TSNAX: variants seen among roughly 807,000 people sequenced by gnomAD.
The protein encoded by TSNAX is translin associated factor X, also known as translin-associated protein X.
A neutral mutation model predicts 33.0 loss-of-function variants in TSNAX; 12 were observed. The ratio of observed to expected loss-of-function variants is 0.36; its 90% confidence interval spans 0.23 to 0.59. The LOEUF is 0.59. Ranked by LOEUF, TSNAX falls within the 20% of genes least tolerant of loss-of-function variation. TSNAX has a pLI of 0.74. For synonymous variants in TSNAX, 110 were observed against 117.2 expected, an observed-to-expected ratio of 0.94 and a Z score of 0.40; for missense variants, 267 against 341.3, an observed-to-expected ratio of 0.78 and a Z score of 1.72.
intron 2 of TSNAX, among the ~76,000 whole-genome samples, chr1:231,532,075 A>G (rs576836949): frequency 1.4e-4 from 20 of 141,602 alleles, no homozygotes; most frequent in African/African-American, 2.3e-4. Flanking sequence ...CTCAAAAAGG[A>G]AAAAAAAAAA....
chr1:231,556,113 T>C (rs1210271553), intron 4 of TSNAX, among the ~76,000 whole-genome samples: 1 of 152,216 alleles, frequency 6.6e-6, no homozygotes, highest in Non-Finnish European at 1.5e-5. Context: ...TATCATGCAT[T>C]TGTCCATGGA....
At chr1:231,530,988 C>G (rs1334670993) in intron 2 of TSNAX, among the ~76,000 whole-genome samples, 2 of 148,766 alleles carry the variant, frequency 1.3e-5, no homozygotes, top group Non-Finnish European at 3.0e-5. Flanking sequence ...GACAGAGTCT[C>G]TGTCACACAG....
At chr1:231,536,242 C>T (rs1053960499) in intron 2 of TSNAX, 1 of 152,046 alleles carries the variant, frequency 6.6e-6, no homozygotes, top group African/African-American at 2.4e-5. Context: ...AGTCATTTTT[C>T]CTTTTTTCTT....
intron 4 of TSNAX, among the ~76,000 whole-genome samples, chr1:231,554,401 A>G (rs1428559547): frequency 2.6e-5 from 4 of 152,178 alleles, no homozygotes; most frequent in East Asian, 3.9e-4. Flanking sequence ...TCTCTTGTAC[A>G]TATGAGTTGC....
At chr1:231,531,708 A>G (rs1003534021) in intron 2 of TSNAX, among the ~76,000 whole-genome samples, 4 of 152,062 alleles carry the variant, frequency 2.6e-5, no homozygotes, top group African/African-American at 9.7e-5. Context: ...TTGTTTTTTC[A>G]GTTCGTGCAA....
intron 4 of TSNAX, among the ~76,000 whole-genome samples, chr1:231,547,163 A>G (rs953275771): frequency 2.0e-5 from 3 of 152,128 alleles, no homozygotes; most frequent in African/African-American, 7.2e-5. Flanking sequence ...CTTTTGTTTG[A>G]AAGCATTCAT....
chr1:231,537,754 A>AG (rs1453421440), intron 3 of TSNAX, among the ~76,000 whole-genome samples: 3 of 151,690 alleles, frequency 2.0e-5, no homozygotes, highest in Admixed American at 6.6e-5. Context: ...AAAAAAAAAA[A>AG]AAAAGGAAAA....
intron 3 of TSNAX, among the ~76,000 whole-genome samples, chr1:231,538,022 T>C (rs1303058758): frequency 6.6e-6 from 1 of 152,214 alleles, no homozygotes; most frequent in Non-Finnish European, 1.5e-5. Flanking sequence ...TCACAATTAT[T>C]GAAATGCCCT....
intron 4 of TSNAX, among the ~76,000 whole-genome samples, chr1:231,558,565 T>A (rs1408241130): frequency 1.3e-5 from 2 of 152,178 alleles, no homozygotes; most frequent in Non-Finnish European, 2.9e-5. Flanking sequence ...TATGTAAATC[T>A]TTGTGCATAT....
At chr1:231,562,277 A>G (rs1661171118) in intron 5 of TSNAX, among the ~76,000 whole-genome samples, 2 of 150,812 alleles carry the variant, frequency 1.3e-5, no homozygotes. Context: ...AACACCATAT[A>G]TTAAGGATAG....
Position 231,561,498 on chromosome 1 carries a change from G to T in TSNAX, c.495+243G>T, listed in dbSNP as rs75489360. Among the ~76,000 whole-genome samples the T allele has an allele frequency of 6.0e-4, 91 of 152,314 alleles. 1 individual carries two copies. In the East Asian group the frequency reaches 0.016, roughly 26 times the overall value. On this transcript the variant is annotated intron_variant, in intron 5 of 5. Transcript: ENST00000366639. Reference sequence around the variant, plus strand: ...CCTAAAGCATTATGGAGTGCTTACTGTAAGTCCTCTTTTGGTTTTACTCTC... The same window carrying T: ...CCTAAAGCATTATGGAGTGCTTACTTTAAGTCCTCTTTTGGTTTTACTCTC...
chr1:231,563,652 AT>A (rs11313472), intron 5 of TSNAX: 94,584 of 133,748 alleles, frequency 0.71, 34,536 homozygotes, highest in Non-Finnish European at 0.82. Context: ...GTGGATATAA[AT>A]TTTTTTTTTT....
intron 4 of TSNAX, among the ~76,000 whole-genome samples, chr1:231,549,530 G>A (rs1265776094): frequency 6.6e-6 from 1 of 152,192 alleles, no homozygotes; most frequent in Non-Finnish European, 1.5e-5. Flanking sequence ...AAGTTTACCT[G>A]AGCAATAAAT....
chr1:231,566,435 A>G lies in TSNAX; in HGVS notation c.*1530A>G, dbSNP rs1256710114. 3 of 152,324 alleles carry G rather than the reference A, an allele frequency of 2.0e-5. No homozygotes were observed. Among genetic ancestry groups the G allele is most frequent in the Non-Finnish European group, 4.4e-5 (3 of 68,028 alleles). 9.4% of individuals were successfully genotyped at this position (152,324 alleles called of 1,614,324 possible). A position where few individuals can be genotyped will look rare whatever the true frequency, so the allele number is the denominator to read the frequency against. On this transcript the variant is annotated 3_prime_UTR_variant, in exon 6 of 6. Transcript: ENST00000366639. ...GATACTGGGTTTTATTTTTTGAAAG[A>G]TTAGCTCTGTTTGTAAGGGCTGATT...
chr1:231,529,723 G>A (rs1007563202), intron 2 of TSNAX, among the ~76,000 whole-genome samples: 5 of 152,096 alleles, frequency 3.3e-5, no homozygotes, highest in African/African-American at 1.2e-4. Flanking sequence ...AGACAGGGAC[G>A]GTATCTTTGT....
At chr1:231,533,176 C>T (rs1056947194) in intron 2 of TSNAX, among the ~76,000 whole-genome samples, 1 of 145,244 alleles carries the variant, frequency 6.9e-6, no homozygotes, top group Non-Finnish European at 1.5e-5. Flanking sequence ...AAGCAATTCT[C>T]CTGCCTCCGC....
intron 4 of TSNAX, among the ~76,000 whole-genome samples, chr1:231,545,428 G>T (rs896589212): frequency 6.6e-6 from 1 of 152,068 alleles, no homozygotes; most frequent in Non-Finnish European, 1.5e-5. Context: ...CAAAACGTCA[G>T]GTCTGTTTTC....
chr1:231,543,617 GA>G (rs1659717000), intron 4 of TSNAX, among the ~76,000 whole-genome samples: 2 of 152,104 alleles, frequency 1.3e-5, no homozygotes, highest in Non-Finnish European at 2.9e-5. Flanking sequence ...TGCTTAATAC[GA>G]ATACCCAGTT....
Position 231,561,228 on chromosome 1 carries a change from T to C in TSNAX, c.468T>C (p.Thr156=). The part of the protein sequence containing the change: ...DEINKQLIFT[T]EDNGKENKTP... ...TTAATAAACAATTGATATTTACGAC[T>C]GAAGACAATGGGAAAGAAAATAAAA... Residue 156 remains threonine (T), a synonymous_variant, in exon 5 of 6, where the codon ACT becomes ACC. Transcript: ENST00000366639. 2 of 1,553,922 alleles carry C rather than the reference T, an allele frequency of 1.3e-6. No homozygotes were observed. Among genetic ancestry groups the C allele is most frequent in the Non-Finnish European group, 1.8e-6 (2 of 1,137,114 alleles).
Sources: gnomAD v4.1 joint callset for allele counts (sites outside exome capture counted in the v4.1 genomes callset) on GRCh38, gnomAD v4.1.1 for gene constraint, MANE v1.5 for transcripts, NCBI Gene and HGNC (gene_info 2026-07-23, HGNC 2026-07-21) for gene names.